The following ZDHHC14 variants were observed in gnomAD, a reference collection of about 807,000 sequenced individuals.
ZDHHC14 encodes zDHHC palmitoyltransferase 14, also known as palmitoyltransferase ZDHHC14.
A neutral mutation model predicts 47.7 loss-of-function variants in ZDHHC14; 16 were observed. The observed-to-expected ratio is 0.34, with a 90% confidence interval of 0.23 to 0.51. The LOEUF is 0.51. Ranked by LOEUF, ZDHHC14 falls within the 20% of genes least tolerant of loss-of-function variation. ZDHHC14 has a pLI of 0.97. For synonymous variants in ZDHHC14, 293 were observed against 278.9 expected, an observed-to-expected ratio of 1.05 and a Z score of -0.50; for missense variants, 515 against 662.5, an observed-to-expected ratio of 0.78 and a Z score of 2.44.
Position 157,592,999 on chromosome 6 carries a change from G to C in ZDHHC14, c.418G>C (p.Gly140Arg). The C allele has an allele frequency of 6.2e-7, 1 of 1,611,488 alleles. No homozygotes were observed. Residue 140 changes from glycine (G) to arginine (R), a missense_variant, in exon 3 of 9, where the codon GGC (glycine) becomes CGC (arginine). This residue lies in a region of ZDHHC14 where 229 missense variants were observed against 351.5 expected (regional missense o/e 0.65). Coordinates refer to ENST00000359775, the MANE Select transcript of ZDHHC14 (RefSeq NM_024630.3). ...DLERQIDIAN[G>R]TSSGGYRPPP... ...TCTTTTCTCCACAGATATCGCAAACGGCACCAGTTCAGGGGGGTACCGCCC... is the reference window on the plus strand; with the variant it reads ...TCTTTTCTCCACAGATATCGCAAACCGCACCAGTTCAGGGGGGTACCGCCC...
At chr6:157,636,204 A>G (rs1776966941) in intron 5 of ZDHHC14, among the ~76,000 whole-genome samples, 1 of 151,588 alleles carries the variant, frequency 6.6e-6, no homozygotes, top group South Asian at 2.1e-4. Context: ...ATTTAAACAC[A>G]CACACACACA....
At chr6:157,581,765 T>C (rs988317151) in intron 2 of ZDHHC14, among the ~76,000 whole-genome samples, 1 of 152,136 alleles carries the variant, frequency 6.6e-6, no homozygotes, top group African/African-American at 2.4e-5. Context: ...GTTTTCCATT[T>C]GCTTGGTAGA....
chr6:157,419,586 T>A (rs970939552), intron 1 of ZDHHC14, among the ~76,000 whole-genome samples: 1 of 152,234 alleles, frequency 6.6e-6, no homozygotes, highest in African/African-American at 2.4e-5. Flanking sequence ...TTTGGCTTCT[T>A]TCACTTAACC....
At chr6:157,386,839 A>G (rs1288175115) in intron 1 of ZDHHC14, among the ~76,000 whole-genome samples, 2 of 152,220 alleles carry the variant, frequency 1.3e-5, no homozygotes, top group African/African-American at 4.8e-5. Flanking sequence ...TCTCCCTGAC[A>G]TATGCACACA....
chr6:157,669,338 G>C (rs908201398), intron 8 of ZDHHC14, among the ~76,000 whole-genome samples: 12 of 151,988 alleles, frequency 7.9e-5, no homozygotes, highest in African/African-American at 2.7e-4. Context: ...GGTGGTGGGG[G>C]GGGAAGACAG....
Position 157,582,228 on chromosome 6 carries a change from A to G in ZDHHC14, c.407-10760A>G, listed in dbSNP as rs529735765. On this transcript the variant is annotated intron_variant, in intron 2 of 8. Transcript: ENST00000359775. This position sits in a 1 kb window ranked among gnomAD's most constrained non-coding sequence, Gnocchi z 4.3. ...GTGCCTTTTAATTGGGTCATTTCCTATTTACATTCAAAGTTAGTATTGATA... is the reference window on the plus strand; with the variant it reads ...GTGCCTTTTAATTGGGTCATTTCCTGTTTACATTCAAAGTTAGTATTGATA... Among the ~76,000 whole-genome samples the G allele has an allele frequency of 1.6e-4, 25 of 152,198 alleles. No individual in the cohort carries two copies. Among genetic ancestry groups the G allele is most frequent in the Non-Finnish European group, 3.2e-4 (22 of 68,018 alleles).
At chr6:157,605,173 T>C (rs967098234) in intron 3 of ZDHHC14, among the ~76,000 whole-genome samples, 1 of 152,216 alleles carries the variant, frequency 6.6e-6, no homozygotes, top group African/African-American at 2.4e-5. Context: ...GTTTGCACAT[T>C]TTTTAAAAAA....
intron 1 of ZDHHC14, among the ~76,000 whole-genome samples, chr6:157,477,231 T>A (rs1008905189): frequency 6.6e-6 from 1 of 152,042 alleles, no homozygotes; most frequent in African/African-American, 2.4e-5. Context: ...AATACAAAAA[T>A]TAGCTGGGCG....
intron 1 of ZDHHC14, among the ~76,000 whole-genome samples, chr6:157,456,169 C>G (rs1484007765): frequency 1.3e-5 from 2 of 152,164 alleles, no homozygotes; most frequent in Non-Finnish European, 2.9e-5. Context: ...TCTGCCTCCC[C>G]GAGGAGGCTG....
Position 157,535,008 on chromosome 6 carries a change from A to C in ZDHHC14, c.246-7577A>C, listed in dbSNP as rs1011217000. 3.9e-5 allele frequency among the ~76,000 whole-genome samples: 6 copies of C among 152,308 alleles called. 1 individual carries two copies. The highest frequency in any genetic ancestry group is 3.9e-4 in the Admixed American group (6 of 15,304). On this transcript the variant is annotated intron_variant, in intron 1 of 8. Coordinates refer to ENST00000359775, the MANE Select transcript of ZDHHC14 (RefSeq NM_024630.3). ...TAAATTGGGCTGTTTACACACTATG[A>C]TTTGAAGCCTGTATTATAAAGCTAC...
At chr6:157,400,514 T>C (rs1777613214) in intron 1 of ZDHHC14, among the ~76,000 whole-genome samples, 2 of 152,190 alleles carry the variant, frequency 1.3e-5, no homozygotes, top group African/African-American at 4.8e-5. Flanking sequence ...AATCTGACCA[T>C]GTGTAGTGAA....
chr6:157,640,995 T>G (rs778712213), intron 5 of ZDHHC14, among the ~76,000 whole-genome samples: 30 of 152,226 alleles, frequency 2.0e-4, no homozygotes, highest in Admixed American at 6.5e-5. Context: ...GGGAGGACTT[T>G]ACCTAAAAAG....
At chr6:157,480,243 G>A (rs1041447052) in intron 1 of ZDHHC14, among the ~76,000 whole-genome samples, 1 of 124,626 alleles carries the variant, frequency 8.0e-6, no homozygotes, top group African/African-American at 2.9e-5. Flanking sequence ...GGTTTTTTTT[G>A]TTGTTGTTGT....
At chr6:157,637,859 C>T (rs1371668501) in intron 5 of ZDHHC14, among the ~76,000 whole-genome samples, 4 of 152,086 alleles carry the variant, frequency 2.6e-5, no homozygotes, top group Non-Finnish European at 4.4e-5. Context: ...ATTGAGGAAG[C>T]GAGAGAGATT....
At chr6:157,472,882 A>T (rs1340853099) in intron 1 of ZDHHC14, among the ~76,000 whole-genome samples, 2 of 152,198 alleles carry the variant, frequency 1.3e-5, no homozygotes, top group Admixed American at 1.3e-4. Context: ...TGTTGATGGG[A>T]GGTGCTGTGT....
intron 1 of ZDHHC14, among the ~76,000 whole-genome samples, chr6:157,528,513 C>T (rs1344074288): frequency 3.3e-5 from 5 of 151,954 alleles, no homozygotes; most frequent in Non-Finnish European, 7.4e-5. Flanking sequence ...GGGCAGATCA[C>T]GAGGTCAGGA....
intron 1 of ZDHHC14, among the ~76,000 whole-genome samples, chr6:157,525,799 A>G (rs1032359027): frequency 3.3e-5 from 5 of 152,134 alleles, no homozygotes; most frequent in Non-Finnish European, 7.3e-5. Flanking sequence ...CTGCTGCTGG[A>G]TGCCTGCGAG....
At chr6:157,622,825 G>C (rs1785247460) in intron 3 of ZDHHC14, among the ~76,000 whole-genome samples, 1 of 152,064 alleles carries the variant, frequency 6.6e-6, no homozygotes, top group Admixed American at 6.6e-5. Flanking sequence ...CTGGAGTAGT[G>C]ATCGCTCATA....
At chr6:157,598,965 C>T (rs1582998773) in intron 3 of ZDHHC14, among the ~76,000 whole-genome samples, 1 of 151,900 alleles carries the variant, frequency 6.6e-6, no homozygotes, top group Non-Finnish European at 1.5e-5. Context: ...TACAAACATA[C>T]CTAATTGTAA....
Sources: gnomAD v4.1 joint callset for allele counts (sites outside exome capture counted in the v4.1 genomes callset) on GRCh38, gnomAD v4.1.1 for gene constraint, gnomAD v4.1.1 regional missense constraint, Gnocchi (gnomAD v3.1) non-coding constraint, MANE v1.5 for transcripts, NCBI Gene and HGNC (gene_info 2026-07-23, HGNC 2026-07-21) for gene names.